Variants in CELF2 observed in about 807,000 individuals in gnomAD.
CELF2 encodes the protein CUG triplet repeat RNA-binding protein 2.
Under a neutral mutation model 62.6 loss-of-function variants are expected in CELF2, and 8 were observed. The ratio of observed to expected loss-of-function variants is 0.13; its 90% CI spans 0.07 to 0.23. The LOEUF (loss-of-function observed/expected upper bound fraction) is 0.23. Ranked by LOEUF, CELF2 falls within the 10% of genes least tolerant of loss-of-function variation. The pLI, the probability that CELF2 is intolerant of heterozygous loss-of-function variation, is 1.00. For missense variants in CELF2, 333 were observed against 671.0 expected (o/e 0.50, Z 5.56); for synonymous variants, 258 against 250.0 (o/e 1.03, Z -0.30).
the CELF2 span, among the ~76,000 whole-genome samples, chr10:10,724,723 A>G: frequency 1.3e-5 from 2 of 151,796 alleles, no homozygotes; most frequent in Non-Finnish European, 2.9e-5. Flanking sequence ...GGGTGTGGTC[A>G]GTTACACTCA....
chr10:11,122,911 C>G (rs887845434), intron 1 of CELF2, among the ~76,000 whole-genome samples: 1 of 152,144 alleles, frequency 6.6e-6, no homozygotes, highest in Non-Finnish European at 1.5e-5. Flanking sequence ...GGGGCCAGGG[C>G]TTGAGGGAAG....
chr10:10,775,583 G>A, the CELF2 span, among the ~76,000 whole-genome samples: 1 of 151,168 alleles, frequency 6.6e-6, no homozygotes, highest in South Asian at 2.1e-4. Context: ...CTGAGATGGT[G>A]CCGCTGCATG....
rs1319931577 is a variant in CELF2 at position 11,334,832 on chromosome 10, C to T, written c.*5779C>T. 3 of 152,294 alleles carry T rather than the reference C, an allele frequency of 2.0e-5. No individual in the cohort carries two copies. The highest frequency in any genetic ancestry group is 1.9e-4 in the East Asian group (1 of 5,184). 9.4% of individuals were successfully genotyped at this position (152,294 alleles called of 1,614,324 possible). On this transcript the variant is annotated 3_prime_UTR_variant, in exon 13 of 13. Coordinates refer to ENST00000633077, the MANE Select transcript of CELF2 (RefSeq NM_001326342.2). Reference sequence around the variant, plus strand: ...TCACTTTCTAAAAGAAGTGAGTTCTCCAGGGAAGAAAAATCAACTTAGCCA... The same window carrying T: ...TCACTTTCTAAAAGAAGTGAGTTCTTCAGGGAAGAAAAATCAACTTAGCCA...
chr10:10,777,514 C>T, the CELF2 span, among the ~76,000 whole-genome samples: 14 of 152,234 alleles, frequency 9.2e-5, no homozygotes, highest in South Asian at 2.1e-4. Context: ...CCAGCCTTCG[C>T]GACATCTTTC....
chr10:10,465,479 A>G, the CELF2 span, among the ~76,000 whole-genome samples: 1 of 152,148 alleles, frequency 6.6e-6, no homozygotes, highest in Admixed American at 6.5e-5. Flanking sequence ...TTCTTCACCT[A>G]TAGCCACACA....
At position 11,220,838 on chromosome 10, in the gene CELF2, T is replaced by G. The variant is rs1164267387; in HGVS notation, c.354+3331T>G. ...CAGTGCCTCATTAGTTACTGACATT[T>G]CATGAGATTAATCCCAAATGATCAT... On this transcript the variant is annotated intron_variant, in intron 3 of 12. Transcript: ENST00000633077. This position sits in a 1 kb window ranked among gnomAD's most constrained non-coding sequence, Gnocchi z 4.4. Among the ~76,000 whole-genome samples, 1 of 152,214 alleles carries G rather than the reference T, an allele frequency of 6.6e-6. No homozygotes were observed. The highest frequency in any genetic ancestry group is 1.9e-4 in the East Asian group (1 of 5,202).
At chr10:10,473,961 G>A in the CELF2 span, among the ~76,000 whole-genome samples, 2 of 152,044 alleles carry the variant, frequency 1.3e-5, no homozygotes, top group African/African-American at 4.8e-5. Flanking sequence ...ACAAACCCGG[G>A]ATTATATTTC....
In CELF2 at chr10:10,924,378, A is replaced by G. The variant is rs150355037; in HGVS notation, c.89+4379A>G. Among the ~76,000 whole-genome samples, 549 of 151,530 alleles carry G rather than the reference A, an allele frequency of 3.6e-3. 1 individual carries two copies. Among genetic ancestry groups the G allele is most frequent in the African/African-American group, 7.1e-3 (294 of 41,388 alleles). ...ATGCACTATGAGCTGCTGTTTTTGA[A>G]AAAAAGGGAGCATTTTAATTCCTTG... On this transcript the variant is annotated intron_variant, in intron 2 of 13. Transcript: ENST00000636488.
At chr10:11,105,229 C>T (rs1055187790) in intron 1 of CELF2, among the ~76,000 whole-genome samples, 9 of 152,160 alleles carry the variant, frequency 5.9e-5, no homozygotes, top group African/African-American at 2.2e-4. Context: ...AGTAATGATT[C>T]TGGAGCCAGC....
At chr10:10,604,587 T>A in the CELF2 span, among the ~76,000 whole-genome samples, 2 of 152,210 alleles carry the variant, frequency 1.3e-5, no homozygotes, top group Non-Finnish European at 2.9e-5. Flanking sequence ...TTGAATTTAC[T>A]TAGCTGTTTT....
At chr10:10,689,556 C>G in the CELF2 span, among the ~76,000 whole-genome samples, 1 of 152,152 alleles carries the variant, frequency 6.6e-6, no homozygotes, top group Non-Finnish European at 1.5e-5. Context: ...TACTTCATAG[C>G]ACTATGAAAT....
the CELF2 span, among the ~76,000 whole-genome samples, chr10:10,624,379 C>G: frequency 6.6e-6 from 1 of 152,170 alleles, no homozygotes; most frequent in East Asian, 1.9e-4. Context: ...AGTCATGCTT[C>G]GATGGCATTA....
chr10:11,297,748 T>A lies in CELF2; in HGVS notation c.976+9196T>A, dbSNP rs1490919761. ...CACTTTGGGAGGCTGAGGCAGGAGT[T>A]CCTTGAGGAACTCCCTGAGGCCAGG... On this transcript the variant is annotated intron_variant, in intron 9 of 12. Coordinates refer to ENST00000633077, the MANE Select transcript of CELF2 (RefSeq NM_001326342.2). The surrounding 1 kb of genome is among the most constrained non-coding windows in gnomAD (Gnocchi z 4.4). Among the ~76,000 whole-genome samples, 1 of 151,992 alleles carries A rather than the reference T, an allele frequency of 6.6e-6. No homozygotes were observed.
intron 1 of CELF2, chr10:10,917,750 G>A (rs2064490025): frequency 6.6e-6 from 1 of 152,164 alleles, no homozygotes; most frequent in Admixed American, 6.5e-5. Context: ...AGTACTACCG[G>A]CATCAGTGGG....
At chr10:11,216,017 T>A (rs756499766) in intron 2 of CELF2, among the ~76,000 whole-genome samples, 1 of 152,110 alleles carries the variant, frequency 6.6e-6, no homozygotes, top group African/African-American at 2.4e-5. Flanking sequence ...CTCGTGAAAA[T>A]GGTCAGTCTC....
At chr10:10,906,301 C>T (rs2063334817) in intron 1 of CELF2, among the ~76,000 whole-genome samples, 1 of 152,162 alleles carries the variant, frequency 6.6e-6, no homozygotes, top group Admixed American at 6.5e-5. Flanking sequence ...TTATCCCCAA[C>T]ATAAATGGGA....
At chr10:10,696,681 C>A in the CELF2 span, among the ~76,000 whole-genome samples, 8 of 152,048 alleles carry the variant, frequency 5.3e-5, no homozygotes, top group Non-Finnish European at 8.8e-5. Context: ...ACCCTCCGAG[C>A]CAGGTGTGGG....
At chr10:10,952,007 T>C (rs1282891656) in intron 2 of CELF2, 1 of 152,284 alleles carries the variant, frequency 6.6e-6, no homozygotes, top group Non-Finnish European at 1.5e-5. Context: ...CACCTTGGAC[T>C]CTATGATCCC....
At chr10:11,213,196 A>G (rs1185457710) in intron 2 of CELF2, among the ~76,000 whole-genome samples, 2 of 152,184 alleles carry the variant, frequency 1.3e-5, no homozygotes, top group East Asian at 1.9e-4. Flanking sequence ...CCTCTGATGC[A>G]TGGTGCGACC....
Sources: allele counts gnomAD v4.1 joint callset (sites outside exome capture counted in the v4.1 genomes callset), GRCh38; gene constraint gnomAD v4.1.1; non-coding constraint Gnocchi (gnomAD v3.1); transcripts MANE v1.5; gene names NCBI Gene and HGNC (gene_info 2026-07-23, HGNC 2026-07-21).